Variants in ANXA2 observed in about 807,000 individuals in gnomAD.
ANXA2 encodes the protein annexin A2, also known as annexin II.
In ANXA2, 28 loss-of-function variants were observed where a neutral mutation model predicts 47.3. The ratio of observed to expected loss-of-function variants is 0.59; its 90% confidence interval spans 0.44 to 0.81. ANXA2 has a LOEUF of 0.81. ANXA2 is among the 40% of genes least tolerant of loss of function. ANXA2 has a pLI of 0.00. For synonymous variants in ANXA2, 172 were observed against 155.5 expected (o/e 1.11, Z -0.79); for missense variants, 384 against 414.3 (o/e 0.93, Z 0.64).
intron 5 of ANXA2, among the ~76,000 whole-genome samples, chr15:60,358,620 G>A (rs895729681): frequency 6.6e-6 from 1 of 152,172 alleles, no homozygotes; most frequent in Non-Finnish European, 1.5e-5. Flanking sequence ...TTGAGCCAAT[G>A]GCTCTTCTTT....
intron 3 of ANXA2, among the ~76,000 whole-genome samples, chr15:60,369,620 TTA>T (rs546618525): frequency 6.6e-6 from 1 of 152,216 alleles, no homozygotes; most frequent in African/African-American, 2.4e-5. Flanking sequence ...CGTGAAGCAC[TTA>T]TTAAAAACAC....
At chr15:60,396,333 G>T (rs2063080185) in intron 1 of ANXA2, 1 of 152,154 alleles carries the variant, frequency 6.6e-6, no homozygotes, top group African/African-American at 2.4e-5. Context: ...GCTGGATGCA[G>T]GTCCGCCGAA....
chr15:60,397,857 C>CT, intron 1 of ANXA2, 86 bp downstream of exon 1: 1 of 1,389,424 alleles, frequency 7.2e-7, no homozygotes, highest in Middle Eastern at 1.9e-4. Context: ...CGGGGCCTCC[C>CT]TGCCAGGCCG....
chr15:60,391,326 G>A (rs955980786), intron 1 of ANXA2: 1 of 152,372 alleles, frequency 6.6e-6, no homozygotes, highest in Non-Finnish European at 1.5e-5. Flanking sequence ...GGGCTTAACA[G>A]GGAGGTGCTG....
At chr15:60,354,060 G>C (rs1218922759) in intron 8 of ANXA2, 94 bp downstream of exon 8, 3 of 941,406 alleles carry the variant, frequency 3.2e-6, no homozygotes, top group Non-Finnish European at 4.9e-6. Flanking sequence ...CACAGAGTTT[G>C]GGAGTCATTT....
At chr15:60,361,174 T>A (rs2062507093) in intron 4 of ANXA2, 120 bp from the exon 5 acceptor site, 2 of 713,892 alleles carry the variant, frequency 2.8e-6, no homozygotes, top group Non-Finnish European at 5.1e-6. Flanking sequence ...CACTCCGGAG[T>A]CTTGGGTCAA....
At chr15:60,358,854 G>A (rs1434092835) in intron 5 of ANXA2, among the ~76,000 whole-genome samples, 1 of 152,208 alleles carries the variant, frequency 6.6e-6, no homozygotes, top group Non-Finnish European at 1.5e-5. Flanking sequence ...AGAATTGCAA[G>A]ACAGGCAGAA....
intron 7 of ANXA2, among the ~76,000 whole-genome samples, chr15:60,354,637 AGAAAGAAAGAAAAG>A (rs1412445117): frequency 9.2e-4 from 134 of 145,372 alleles, no homozygotes; most frequent in Middle Eastern, 3.5e-3. Flanking sequence ...AAAAAAAAAA[AGAAAGAAAGAAAAG>A]AAAAAGAAAA....
chr15:60,360,231 G>A (rs1008562073), intron 5 of ANXA2, among the ~76,000 whole-genome samples: 2 of 152,100 alleles, frequency 1.3e-5, no homozygotes, highest in African/African-American at 4.8e-5. Flanking sequence ...ACTCCAGCCT[G>A]GGCAACAAGA....
In ANXA2 at chr15:60,351,246, A is replaced by G; in HGVS notation, c.784T>C (p.Cys262Arg). ...LENAFLNLVQ[C>R]IQNKPLYFAD... ...AAATACAGGGGCTTGTTCTGAATGC[A>G]CTGAACTGTGGAGAGAAGAAAGGGA... Residue 262 changes from cysteine to arginine, a missense_variant, in exon 11 of 13, where the codon TGC (cysteine) becomes CGC (arginine). By Grantham distance (180) the Cys-to-Arg change is radical (BLOSUM62 -3). Transcript: ENST00000451270. 1.2e-6 allele frequency: 2 copies of G among 1,614,222 alleles called. No individual in the cohort carries two copies. The highest frequency in any genetic ancestry group is 1.1e-5 in the South Asian group (1 of 91,082).
At chr15:60,375,009 T>G (rs2062758606) in intron 3 of ANXA2, among the ~76,000 whole-genome samples, 1 of 152,214 alleles carries the variant, frequency 6.6e-6, no homozygotes, top group Non-Finnish European at 1.5e-5. Context: ...AGTCTGCCTC[T>G]TGGCGCCCTC....
Position 60,364,468 on chromosome 15 carries a change from T to A in ANXA2, c.204A>T (p.Arg68Ser), listed in dbSNP as rs1255252984. The change falls in exon 4 of 13, where the codon AGA becomes AGT. Residue 68 changes from arginine to serine, a missense_variant. Coordinates refer to ENST00000451270, the MANE Select transcript of ANXA2 (RefSeq NM_004039.3). Reference protein sequence around the residue: ...NILTNRSNAQRQDIAFAYQRR... With the variant: ...NILTNRSNAQSQDIAFAYQRR... ...TCTGGTAGGCGAAGGCAATATCCTG[T>A]CTCTGTGCATTGCTGCGGTTGGTCA... 1 of 1,613,532 alleles carries A rather than the reference T, an allele frequency of 6.2e-7. No individual in the cohort carries two copies.
chr15:60,351,284 G>C (rs1896001998), intron 10 of ANXA2, 33 bp from the exon 11 acceptor site: 1 of 1,608,136 alleles, frequency 6.2e-7, no homozygotes, highest in Admixed American at 1.7e-5. Context: ...CAGCGCTGCA[G>C]CTGCTCTGGT....
chr15:60,375,307 AATAATAGGGTAATTCATTACCCTC>A (rs2062761734), intron 3 of ANXA2, among the ~76,000 whole-genome samples: 1 of 152,170 alleles, frequency 6.6e-6, no homozygotes, highest in Admixed American at 6.5e-5. Context: ...AACTGGCAAT[AATAATAGGGTAATTCATTACCCTC>A]CCCTTCCAGA....
chr15:60,384,692 G>C (rs1013613549), intron 2 of ANXA2: 1 of 152,050 alleles, frequency 6.6e-6, no homozygotes, highest in Non-Finnish European at 1.5e-5. Context: ...GAAGAAAAAA[G>C]ATTTTAAAAA....
chr15:60,386,065 A>G lies in ANXA2; in HGVS notation c.11T>C (p.Val4Ala). MST[V>A]HEILCKLSLE... ...GCTGAGCTTGCACAGGATTTCGTGAACAGTAGACATTTTGAAGGAAGCTGG... is the reference window on the plus strand; with the variant it reads ...GCTGAGCTTGCACAGGATTTCGTGAGCAGTAGACATTTTGAAGGAAGCTGG... Residue 4 changes from valine (V) to alanine (A), a missense_variant, in exon 2 of 13, where the codon GTT (valine) becomes GCT (alanine). Transcript: ENST00000451270. 6.2e-7 allele frequency: 1 copy of G among 1,613,196 alleles called. No homozygotes were observed. The highest frequency in any genetic ancestry group is 8.5e-7 in the Non-Finnish European group (1 of 1,179,436).
chr15:60,369,655 AACT>A (rs2062686665), intron 3 of ANXA2, among the ~76,000 whole-genome samples: 1 of 152,228 alleles, frequency 6.6e-6, no homozygotes, highest in South Asian at 2.1e-4. Context: ...TGCACCTGAG[AACT>A]ACTAAGGAAG....
intron 3 of ANXA2, chr15:60,374,441 C>A (rs553184029): frequency 2.2e-4 from 101 of 456,014 alleles, no homozygotes; most frequent in African/African-American, 1.8e-3. Context: ...ACGCAGCCAC[C>A]CTTAACTCAC....
chr15:60,369,178 T>TGTTTCATTTA (rs2062679414), intron 3 of ANXA2, among the ~76,000 whole-genome samples: 1 of 152,242 alleles, frequency 6.6e-6, no homozygotes, highest in Non-Finnish European at 1.5e-5. Flanking sequence ...ACTTATATTT[T>TGTTTCATTTA]GTTTCATTTA....
Sources: gnomAD v4.1 joint callset for allele counts (sites outside exome capture counted in the v4.1 genomes callset) on GRCh38, gnomAD v4.1.1 for gene constraint, MANE v1.5 for transcripts, NCBI Gene and HGNC (gene_info 2026-07-23, HGNC 2026-07-21) for gene names.